DHRSX: variants seen among roughly 807,000 people sequenced by gnomAD.
The protein encoded by DHRSX is dehydrogenase/reductase X-linked.
DHRSX carries 31 observed loss-of-function variants against 34.0 expected under a neutral mutation model. The ratio of observed to expected loss-of-function variants is 0.91; its 90% CI spans 0.69 to 1.23. The LOEUF is 1.23. Among genes scored for constraint, DHRSX ranks in the 50% most tolerant of loss-of-function variants. The pLI is 0.00. For synonymous variants in DHRSX, 201 were observed against 183.8 expected (o/e 1.09, Z -0.76); for missense variants, 414 against 428.1 (o/e 0.97, Z 0.29).
At chrX:2,488,491 A>C in intron 1 of DHRSX, 10 of 1,156,032 alleles carry the variant, frequency 8.7e-6, no homozygotes, top group Non-Finnish European at 7.1e-6. Context: ...CACTTCTCAA[A>C]TCTCTTTCCT....
At chrX:2,362,435 G>A (rs974336594) in intron 3 of DHRSX, among the ~76,000 whole-genome samples, 1 of 152,018 alleles carries the variant, frequency 6.6e-6, no homozygotes, top group African/African-American at 2.4e-5. Context: ...CAAGTAGCTG[G>A]GATTACAGGC....
rs781093066 is a variant in DHRSX, at chrX:2,389,382, G to A, written c.286+19363C>T. On this transcript the variant is annotated intron_variant, in intron 3 of 6. Coordinates refer to ENST00000334651, the MANE Select transcript of DHRSX (RefSeq NM_145177.3). ...GCCCTGGGCTGAATCCCTGAATCCA[G>A]ACTCTGTTTTGTGATGAAAGTGATG... is the stretch of plus-strand genomic sequence containing the variant. 2.1e-3 allele frequency among the ~76,000 whole-genome samples: 317 copies of A among 152,106 alleles called. 1 individual carries two copies. Among genetic ancestry groups the A allele is most frequent in the South Asian group, 0.015 (73 of 4,800 alleles).
At chrX:2,437,587 G>T (rs1264704011) in intron 1 of DHRSX, among the ~76,000 whole-genome samples, 1 of 146,240 alleles carries the variant, frequency 6.8e-6, no homozygotes, top group Non-Finnish European at 1.5e-5. Flanking sequence ...CTAGGTGACA[G>T]AGCAAGACCC....
At chrX:2,443,984 G>A (rs1433850721) in intron 1 of DHRSX, among the ~76,000 whole-genome samples, 2 of 143,152 alleles carry the variant, frequency 1.4e-5, no homozygotes, top group Admixed American at 7.4e-5. Context: ...CAGCCTGGGC[G>A]ACAGAGCGAG....
chrX:2,413,811 C>G (rs1389544693), intron 2 of DHRSX, among the ~76,000 whole-genome samples: 8 of 152,088 alleles, frequency 5.3e-5, no homozygotes, highest in Non-Finnish European at 1.5e-5. Context: ...CAAAATACAC[C>G]TCATCATAAC....
At chrX:2,255,137 G>A (rs2041259522) in intron 5 of DHRSX, among the ~76,000 whole-genome samples, 1 of 151,908 alleles carries the variant, frequency 6.6e-6, no homozygotes, top group African/African-American at 2.4e-5. Flanking sequence ...GCTAATTTTT[G>A]TATTTTTAGT....
intron 3 of DHRSX, among the ~76,000 whole-genome samples, chrX:2,333,774 T>A (rs1238836331): frequency 6.6e-6 from 1 of 152,120 alleles, no homozygotes; most frequent in Non-Finnish European, 1.5e-5. Context: ...GACCCCAATG[T>A]CTGTTGTTCC....
At chrX:2,225,415 CAT>C (rs1447520933) in intron 6 of DHRSX, among the ~76,000 whole-genome samples, 2 of 152,206 alleles carry the variant, frequency 1.3e-5, no homozygotes, top group Non-Finnish European at 2.9e-5. Flanking sequence ...TGTACATTCA[CAT>C]ACTCATTCAC....
chrX:2,327,810 G>A (rs1412521288), intron 3 of DHRSX, among the ~76,000 whole-genome samples: 1 of 152,082 alleles, frequency 6.6e-6, no homozygotes, highest in Non-Finnish European at 1.5e-5. Flanking sequence ...GCCGGGTGTG[G>A]TGGCTCACGC....
intron 5 of DHRSX, 90 bp downstream of exon 5, chrX:2,266,650 C>A (rs752094903): frequency 3.9e-6 from 5 of 1,293,050 alleles, no homozygotes; most frequent in East Asian, 4.6e-5. Context: ...CCAGCAGATG[C>A]AGGGAGCGCC....
intron 6 of DHRSX, among the ~76,000 whole-genome samples, chrX:2,222,113 C>G (rs2015535232): frequency 6.6e-6 from 1 of 152,222 alleles, no homozygotes; most frequent in Admixed American, 6.5e-5. Context: ...GACACAGAAT[C>G]TGCCATGCAT....
chrX:2,236,907 G>T (rs754967918), intron 6 of DHRSX, among the ~76,000 whole-genome samples: 3 of 152,024 alleles, frequency 2.0e-5, no homozygotes, highest in Admixed American at 6.6e-5. Context: ...GAAATGGGGG[G>T]GCTGGGTAGG....
intron 3 of DHRSX, among the ~76,000 whole-genome samples, chrX:2,339,508 C>T (rs764829138): frequency 6.6e-6 from 1 of 152,148 alleles, no homozygotes; most frequent in South Asian, 2.1e-4. Flanking sequence ...ACACATTCCA[C>T]ACTATTTGTA....
intron 6 of DHRSX, among the ~76,000 whole-genome samples, chrX:2,222,667 CAGG>C (rs2015547845): frequency 6.6e-6 from 1 of 152,160 alleles, no homozygotes; most frequent in Non-Finnish European, 1.5e-5. Flanking sequence ...TGCTTGAGTC[CAGG>C]AGTTCAAGAT....
At chrX:2,342,522 C>A (rs1323915295) in intron 3 of DHRSX, among the ~76,000 whole-genome samples, 1 of 151,794 alleles carries the variant, frequency 6.6e-6, no homozygotes, top group Non-Finnish European at 1.5e-5. Flanking sequence ...GCCCTTTCTC[C>A]CAAGTGTCTG....
intron 3 of DHRSX, among the ~76,000 whole-genome samples, chrX:2,379,595 G>GTTTTTT (rs749144665): frequency 2.1e-4 from 22 of 103,938 alleles, no homozygotes; most frequent in South Asian, 3.7e-4. Context: ...GGCAGTGGAG[G>GTTTTTT]TTTTTTTTTT....
chrX:2,399,199 TTCAG>T (rs1345415998), intron 3 of DHRSX, among the ~76,000 whole-genome samples: 1 of 152,028 alleles, frequency 6.6e-6, no homozygotes, highest in Non-Finnish European at 1.5e-5. Flanking sequence ...CAATTAAACT[TTCAG>T]AGAGTGTGGG....
intron 1 of DHRSX, among the ~76,000 whole-genome samples, chrX:2,452,558 C>T (rs1016548608): frequency 6.6e-6 from 1 of 151,970 alleles, no homozygotes; most frequent in South Asian, 2.1e-4. Flanking sequence ...GCCAAGAGAC[C>T]ACCATGTACA....
intron 4 of DHRSX, among the ~76,000 whole-genome samples, chrX:2,270,559 G>T (rs1402371398): frequency 2.0e-5 from 3 of 152,120 alleles, no homozygotes; most frequent in South Asian, 2.1e-4. Flanking sequence ...CTCAGCAGTG[G>T]GTCCCGCGGC....
Sources: gnomAD v4.1 joint callset for allele counts (sites outside exome capture counted in the v4.1 genomes callset) on GRCh38, gnomAD v4.1.1 for gene constraint, MANE v1.5 for transcripts, NCBI Gene and HGNC (gene_info 2026-07-23, HGNC 2026-07-21) for gene names.